Variants in SPG11 observed in about 807,000 individuals in gnomAD.
The protein encoded by SPG11 is spatacsin.
In SPG11, 222 loss-of-function variants were observed where a neutral mutation model predicts 274.0. The ratio of observed to expected loss-of-function variants is 0.81; its 90% confidence interval spans 0.73 to 0.91. The LOEUF is 0.91. Ranked by LOEUF, SPG11 falls within the 40% of genes least tolerant of loss-of-function variation. The probability of loss-of-function intolerance (pLI) is 0.00; values close to 1 mark genes in which losing one functional copy is unlikely to be tolerated. For missense variants in SPG11, 3,114 were observed against 2,872.7 expected (o/e 1.08, Z -1.92); for synonymous variants, 1,144 against 1,039.7 (o/e 1.10, Z -1.93).
chr15:44,594,228 C>A (rs1156781484), intron 26 of SPG11, among the ~76,000 whole-genome samples: 2 of 151,166 alleles, frequency 1.3e-5, no homozygotes, highest in Non-Finnish European at 3.0e-5. Context: ...AGATTGAGAC[C>A]AGCCTGGCCA....
intron 35 of SPG11, among the ~76,000 whole-genome samples, chr15:44,568,412 AT>A (rs1303354640): frequency 6.6e-6 from 1 of 152,044 alleles, no homozygotes. Flanking sequence ...TTAAAGAGAG[AT>A]TTTTTTCTGC....
In SPG11 at chr15:44,611,965, C is replaced by T. The variant is rs559804269; in HGVS notation, c.3146-980G>A. Among the ~76,000 whole-genome samples, 39 of 152,062 alleles carry T rather than the reference C, an allele frequency of 2.6e-4. No individual in the cohort carries two copies. In the South Asian group the frequency reaches 5.0e-3, roughly 19 times the overall value. ...GGACTACAGGCACCCGCCACCAAGC[C>T]GGGCTAATTTTTTTTTTGTATTTTT... On this transcript the variant is annotated intron_variant, in intron 17 of 39. Transcript: ENST00000261866.
intron 26 of SPG11, among the ~76,000 whole-genome samples, chr15:44,593,750 A>G (rs900633195): frequency 6.0e-5 from 9 of 150,510 alleles, no homozygotes; most frequent in African/African-American, 2.0e-4. Flanking sequence ...TCACTTCATA[A>G]TATCTTTTTT....
At chr15:44,661,909 AAATTC>A (rs1478410958) in intron 1 of SPG11, among the ~76,000 whole-genome samples, 3 of 152,216 alleles carry the variant, frequency 2.0e-5, no homozygotes, top group Admixed American at 2.0e-4. Context: ...AACTGAATTA[AAATTC>A]AATTCAACTA....
intron 28 of SPG11, among the ~76,000 whole-genome samples, chr15:44,586,829 T>C (rs1247239693): frequency 6.6e-6 from 1 of 152,194 alleles, no homozygotes; most frequent in Non-Finnish European, 1.5e-5. Flanking sequence ...TCTGATTTAG[T>C]GGTCATTTGT....
intron 7 of SPG11, among the ~76,000 whole-genome samples, chr15:44,646,475 A>G (rs752275196): frequency 6.6e-6 from 1 of 152,180 alleles, no homozygotes; most frequent in Non-Finnish European, 1.5e-5. Context: ...TTGAGAACTC[A>G]CTATCAGGAG....
chr15:44,612,842 A>G (rs1177863626), intron 17 of SPG11, among the ~76,000 whole-genome samples: 1 of 152,168 alleles, frequency 6.6e-6, no homozygotes, highest in Non-Finnish European at 1.5e-5. Context: ...TGGACATTAC[A>G]TGCAACTGAA....
chr15:44,582,718 T>C (rs1240842254), intron 30 of SPG11, among the ~76,000 whole-genome samples: 1 of 151,678 alleles, frequency 6.6e-6, no homozygotes, highest in Non-Finnish European at 1.5e-5. Context: ...TGGTCCAATA[T>C]TAAAAAATCA....
At chr15:44,641,697 AAATT>A (rs2084448520) in intron 7 of SPG11, among the ~76,000 whole-genome samples, 1 of 151,810 alleles carries the variant, frequency 6.6e-6, no homozygotes, top group African/African-American at 2.4e-5. Flanking sequence ...AAAACGTTAT[AAATT>A]AAGTGCTGGC....
At chr15:44,594,357 C>T (rs1056512575) in intron 26 of SPG11, among the ~76,000 whole-genome samples, 2 of 151,482 alleles carry the variant, frequency 1.3e-5, no homozygotes, top group African/African-American at 2.4e-5. Context: ...ACTCGGGAGG[C>T]GGAGGTTGCA....
In SPG11 at chr15:44,660,416, A is replaced by C; in HGVS notation, c.442+16T>G. The C allele has an allele frequency of 1.2e-6, 2 of 1,609,488 alleles. No individual in the cohort carries two copies. Among genetic ancestry groups the C allele is most frequent in the Non-Finnish European group, 1.7e-6 (2 of 1,176,746 alleles). Reference sequence around the variant, plus strand: ...ACAAATTTAAATATGCTGAAAGACCACCTGTAGATACTTACTGATATCTTG... The same window carrying C: ...ACAAATTTAAATATGCTGAAAGACCCCCTGTAGATACTTACTGATATCTTG... On this transcript the variant is annotated intron_variant, in intron 2 of 39. Transcript: ENST00000261866.
At chr15:44,628,254 C>T (rs543283950) in intron 10 of SPG11, among the ~76,000 whole-genome samples, 3 of 152,186 alleles carry the variant, frequency 2.0e-5, no homozygotes, top group Non-Finnish European at 4.4e-5. Flanking sequence ...ATTAAGTATA[C>T]TTCTAAGTAA....
rs2141105955 is a variant in SPG11, at chr15:44,651,552, A to G, written c.1395T>C (p.Leu465=). The change falls in exon 6 of 40, where the codon CTT becomes CTC. Residue 465 remains leucine, a synonymous_variant. Coordinates refer to ENST00000261866, the MANE Select transcript of SPG11 (RefSeq NM_025137.4). ...LETQGMQCFS[L]GTKCIPVDSS... ...TGTCTACAGGAATACACTTTGTGCC[A>G]AGGGAAAAACACTGCATGCCCTGGG... 1 of 1,614,220 alleles carries G rather than the reference A, an allele frequency of 6.2e-7. No individual in the cohort carries two copies. The highest frequency in any genetic ancestry group is 8.5e-7 in the Non-Finnish European group (1 of 1,180,036).
intron 30 of SPG11, among the ~76,000 whole-genome samples, chr15:44,576,509 C>T (rs1425565679): frequency 1.3e-5 from 2 of 150,820 alleles, no homozygotes; most frequent in African/African-American, 2.4e-5. Flanking sequence ...ATTAGCTGGA[C>T]GTGGTGGCGG....
chr15:44,608,331 C>T, intron 19 of SPG11, 113 bp downstream of exon 19: 1 of 1,138,150 alleles, frequency 8.8e-7, no homozygotes, highest in South Asian at 1.3e-5. Context: ...TGCTATCATG[C>T]TGTGTAAGTA....
chr15:44,591,789 A>C (rs2082904811), intron 27 of SPG11, among the ~76,000 whole-genome samples: 1 of 152,152 alleles, frequency 6.6e-6, no homozygotes, highest in Admixed American at 6.6e-5. Context: ...CCTGGGCAAC[A>C]AAGCAAGACT....
At chr15:44,662,898 G>C (rs1378683727) in intron 1 of SPG11, among the ~76,000 whole-genome samples, 2 of 152,190 alleles carry the variant, frequency 1.3e-5, no homozygotes, top group Non-Finnish European at 2.9e-5. Context: ...TAAATGAAGG[G>C]ACAAACTGGA....
chr15:44,620,669 G>A (rs1595889334), intron 14 of SPG11: 2 of 376,986 alleles, frequency 5.3e-6, no homozygotes, highest in East Asian at 5.5e-5. Context: ...CAAGTAGCAG[G>A]GACTACAGGG....
rs2141106482 is a variant in SPG11 at position 44,651,693 on chromosome 15, G to A, written c.1254C>T (p.Ile418=). 3.7e-6 allele frequency: 6 copies of A among 1,614,180 alleles called. No homozygotes were observed. The highest frequency in any genetic ancestry group is 4.2e-6 in the Non-Finnish European group (5 of 1,180,030). Residue 418 remains isoleucine, a synonymous_variant, in exon 6 of 40, where the codon ATC becomes ATT. Transcript: ENST00000261866. ...DPGRSWKIMH[I]SEQEEPIELK... is the part of the protein sequence containing the mutation. ...GCTCTATGGGTTCCTCTTGTTCACTGATGTGCATTATTTTCCATGATCTTC... is the reference window on the plus strand; with the variant it reads ...GCTCTATGGGTTCCTCTTGTTCACTAATGTGCATTATTTTCCATGATCTTC...
Sources: allele counts gnomAD v4.1 joint callset (sites outside exome capture counted in the v4.1 genomes callset), GRCh38; gene constraint gnomAD v4.1.1; transcripts MANE v1.5; gene names NCBI Gene and HGNC (gene_info 2026-07-23, HGNC 2026-07-21).